MED13L: variants seen among roughly 807,000 people sequenced by gnomAD.
MED13L encodes mediator of RNA polymerase II transcription subunit 13-like.
In MED13L, 7 loss-of-function variants were observed where a neutral mutation model predicts 220.9. That is an observed-to-expected ratio of 0.03 (90% CI 0.02 to 0.06). The LOEUF (loss-of-function observed/expected upper bound fraction) is 0.06, where lower values mean the gene tolerates loss of function less well. Among genes scored for constraint, MED13L ranks in the 10% least tolerant of loss-of-function variants. MED13L has a pLI of 1.00. For missense variants in MED13L, 1,965 were observed against 2,760.5 expected (o/e 0.71, Z 6.46); for synonymous variants, 1,011 against 1,015.2 (o/e 1.00, Z 0.08).
At position 116,083,133 on chromosome 12, in the gene MED13L, G is replaced by A. The variant is rs571735110; in HGVS notation, c.479+13536C>T. Among the ~76,000 whole-genome samples, 6 of 152,224 alleles carry A rather than the reference G, an allele frequency of 3.9e-5. No individual in the cohort carries two copies. In the East Asian group the frequency reaches 9.7e-4, roughly 25 times the overall value. Reference sequence around the variant, plus strand: ...TCATTTAATCTTGTGCAGGCCAGGCGTGGTGGCTCATACCTGTAATCCCAG... The same window carrying A: ...TCATTTAATCTTGTGCAGGCCAGGCATGGTGGCTCATACCTGTAATCCCAG... On this transcript the variant is annotated intron_variant, in intron 4 of 30. Coordinates refer to ENST00000281928, the MANE Select transcript of MED13L (RefSeq NM_015335.5).
At chr12:116,159,074 C>A (rs1878666198) in intron 2 of MED13L, among the ~76,000 whole-genome samples, 1 of 152,134 alleles carries the variant, frequency 6.6e-6, no homozygotes, top group African/African-American at 2.4e-5. Context: ...AAAATCACCA[C>A]CACAACTTTC....
chr12:115,977,237 G>A (rs1002141042), intron 23 of MED13L, among the ~76,000 whole-genome samples: 12 of 152,142 alleles, frequency 7.9e-5, no homozygotes, highest in African/African-American at 2.9e-4. Context: ...ATCCATAGTT[G>A]CTGACCCCTG....
At chr12:116,039,743 G>C (rs1369545704) in intron 4 of MED13L, among the ~76,000 whole-genome samples, 2 of 152,026 alleles carry the variant, frequency 1.3e-5, no homozygotes, top group Non-Finnish European at 1.5e-5. Flanking sequence ...TTATATGAGG[G>C]GGTAGCAGTG....
chr12:116,224,925 G>A (rs183404886), intron 2 of MED13L, among the ~76,000 whole-genome samples: 31 of 152,182 alleles, frequency 2.0e-4, no homozygotes, highest in African/African-American at 7.5e-4. Flanking sequence ...CTGATACTCT[G>A]GCCTCAAGCG....
At chr12:115,967,790 T>TA (rs1876283526) in intron 28 of MED13L, among the ~76,000 whole-genome samples, 3 of 152,154 alleles carry the variant, frequency 2.0e-5, no homozygotes, top group Non-Finnish European at 4.4e-5. Flanking sequence ...AACCCAACTT[T>TA]AAAAAAATAG....
intron 14 of MED13L, among the ~76,000 whole-genome samples, chr12:116,002,401 AT>A: frequency 6.6e-6 from 1 of 152,334 alleles, no homozygotes; most frequent in South Asian, 2.1e-4. Context: ...TTGCAATGGA[AT>A]TATGTTTCTG....
chr12:116,197,477 A>G (rs921928566), intron 2 of MED13L, among the ~76,000 whole-genome samples: 8 of 152,118 alleles, frequency 5.3e-5, no homozygotes, highest in Non-Finnish European at 1.2e-4. Flanking sequence ...CTTCAAAAGC[A>G]GTTACTTGGC....
intron 16 of MED13L, among the ~76,000 whole-genome samples, chr12:115,993,566 T>C: frequency 6.7e-6 from 1 of 148,474 alleles, no homozygotes; most frequent in East Asian, 1.9e-4. Flanking sequence ...AAAAAAAAAA[T>C]GACCCAGAAA....
chr12:116,032,318 A>G (rs963336928), intron 4 of MED13L, among the ~76,000 whole-genome samples: 1 of 152,204 alleles, frequency 6.6e-6, no homozygotes, highest in Admixed American at 6.5e-5. Flanking sequence ...AAAGAAAAAA[A>G]CAAGTGAGAG....
intron 3 of MED13L, among the ~76,000 whole-genome samples, chr12:116,105,354 C>A (rs991070825): frequency 6.6e-6 from 1 of 152,060 alleles, no homozygotes; most frequent in Non-Finnish European, 1.5e-5. Context: ...AGCAGAGACT[C>A]TACATAAGTA....
At chr12:116,171,329 C>T (rs1292013413) in intron 2 of MED13L, among the ~76,000 whole-genome samples, 1 of 152,182 alleles carries the variant, frequency 6.6e-6, no homozygotes, top group African/African-American at 2.4e-5. Flanking sequence ...GATAGGGGCT[C>T]CCTACCTGGG....
At chr12:116,257,702 C>T (rs1872174359) in intron 1 of MED13L, among the ~76,000 whole-genome samples, 1 of 152,046 alleles carries the variant, frequency 6.6e-6, no homozygotes, top group South Asian at 2.1e-4. Flanking sequence ...ATCATTTTGA[C>T]ATTATTTTAA....
intron 4 of MED13L, among the ~76,000 whole-genome samples, chr12:116,086,276 G>A (rs541087878): frequency 3.9e-4 from 55 of 140,128 alleles, no homozygotes; most frequent in Non-Finnish European, 5.6e-4. Context: ...AGTTTTCCAC[G>A]ATAATTCTTT....
At chr12:116,200,132 T>C (rs1000807072) in intron 2 of MED13L, among the ~76,000 whole-genome samples, 6 of 151,250 alleles carry the variant, frequency 4.0e-5, no homozygotes, top group East Asian at 1.9e-4. Flanking sequence ...TTATTTTAAA[T>C]AGCCTGTTTT....
At chr12:116,001,050 T>C (rs1016928713) in intron 14 of MED13L, among the ~76,000 whole-genome samples, 1 of 152,202 alleles carries the variant, frequency 6.6e-6, no homozygotes, top group Non-Finnish European at 1.5e-5. Context: ...AAAATAATAT[T>C]TTGGATACTT....
At chr12:116,091,834 A>C (rs1348812008) in intron 4 of MED13L, among the ~76,000 whole-genome samples, 1 of 152,180 alleles carries the variant, frequency 6.6e-6, no homozygotes, top group Non-Finnish European at 1.5e-5. Flanking sequence ...TTAAAATTCC[A>C]TGGTTCTGGT....
At chr12:116,025,271 A>G (rs188185018) in intron 4 of MED13L, among the ~76,000 whole-genome samples, 121 of 152,308 alleles carry the variant, frequency 7.9e-4, no homozygotes, top group Non-Finnish European at 6.2e-4. Context: ...ACCTTTATAC[A>G]CTGTTGGTGG....
At chr12:116,276,946 AC>A (rs1873906189) in intron 1 of MED13L, 113 bp downstream of exon 1, 1 of 1,185,848 alleles carries the variant, frequency 8.4e-7, no homozygotes, top group South Asian at 1.3e-5. Context: ...CGGCGGGGAG[AC>A]GCGAGGGAGG....
chr12:115,974,327 T>A (rs1025710141), intron 25 of MED13L, among the ~76,000 whole-genome samples: 4 of 152,232 alleles, frequency 2.6e-5, no homozygotes, highest in Non-Finnish European at 4.4e-5. Flanking sequence ...ATCTGTGACA[T>A]TAAGTCTTTC....
Sources: allele counts gnomAD v4.1 joint callset (sites outside exome capture counted in the v4.1 genomes callset), GRCh38; gene constraint gnomAD v4.1.1; transcripts MANE v1.5; gene names NCBI Gene and HGNC (gene_info 2026-07-23, HGNC 2026-07-21).